The following USH2A variants were observed in gnomAD, a reference collection of about 807,000 sequenced individuals.
USH2A encodes the protein Usher syndrome 2A (autosomal recessive, mild).
Under a neutral mutation model 538.9 loss-of-function variants are expected in USH2A, and 443 were observed. The ratio of observed to expected loss-of-function variants is 0.82; its 90% CI spans 0.76 to 0.89. USH2A has a LOEUF of 0.89. Ranked by LOEUF, USH2A falls within the 40% of genes least tolerant of loss-of-function variation. The pLI is 0.00. For synonymous variants in USH2A, 2,413 were observed against 2,273.5 expected (o/e 1.06, Z -1.75); for missense variants, 6,633 against 6,324.8 (o/e 1.05, Z -1.65).
chr1:216,357,899 TA>T (rs991187813), intron 4 of USH2A, among the ~76,000 whole-genome samples: 1 of 152,136 alleles, frequency 6.6e-6, no homozygotes, highest in African/African-American at 2.4e-5. Flanking sequence ...TTGGAAGCAC[TA>T]AAATAAATCT....
chr1:216,401,961 T>C (rs1000224526), intron 3 of USH2A, among the ~76,000 whole-genome samples: 4 of 152,124 alleles, frequency 2.6e-5, no homozygotes, highest in African/African-American at 4.8e-5. Flanking sequence ...TTAGTTCTAT[T>C]TATAAGAGAA....
intron 37 of USH2A, among the ~76,000 whole-genome samples, chr1:215,936,518 T>C (rs1345626822): frequency 6.6e-6 from 1 of 152,070 alleles, no homozygotes; most frequent in Non-Finnish European, 1.5e-5. Context: ...AATACAGTAT[T>C]TACATTGCAG....
intron 11 of USH2A, among the ~76,000 whole-genome samples, chr1:216,268,642 A>C (rs1558354154): frequency 6.6e-6 from 1 of 152,134 alleles, no homozygotes; most frequent in Non-Finnish European, 1.5e-5. Context: ...AGGATCCCGT[A>C]GGCTTGGGAC....
Position 216,145,716 on chromosome 1 carries a change from C to T in USH2A, c.4627+29536G>A, listed in dbSNP as rs140842319. 3.9e-3 allele frequency among the ~76,000 whole-genome samples: 591 copies of T among 152,272 alleles called. 4 individuals carry two copies. Among genetic ancestry groups the T allele is most frequent in the African/African-American group, 0.014 (571 of 41,552 alleles). On this transcript the variant is annotated intron_variant, in intron 21 of 71. Transcript: ENST00000307340. ...AAAGAAGTGAATATGTCCTGCCCCACCTTAACTGATGACATTCCACCACAA... is the reference window on the plus strand; with the variant it reads ...AAAGAAGTGAATATGTCCTGCCCCATCTTAACTGATGACATTCCACCACAA...
intron 27 of USH2A, 83 bp downstream of exon 27, chr1:216,078,006 G>T: frequency 1.3e-6 from 2 of 1,550,296 alleles, no homozygotes; most frequent in Non-Finnish European, 1.8e-6. Context: ...TGAGTCTATT[G>T]CTATCTCTTG....
chr1:216,339,817 T>C (rs963044490), intron 4 of USH2A, among the ~76,000 whole-genome samples: 4 of 150,578 alleles, frequency 2.7e-5, no homozygotes, highest in African/African-American at 2.5e-5. Context: ...CCAGAATCTC[T>C]GGAACACAGC....
intron 14 of USH2A, among the ~76,000 whole-genome samples, chr1:216,219,848 C>T (rs2035420682): frequency 6.6e-6 from 1 of 152,040 alleles, no homozygotes; most frequent in South Asian, 2.1e-4. Flanking sequence ...TGTTTATTGA[C>T]CAGTTCATTA....
chr1:216,039,578 AC>A (rs2030170051), intron 32 of USH2A, among the ~76,000 whole-genome samples: 1 of 152,008 alleles, frequency 6.6e-6, no homozygotes, highest in African/African-American at 2.4e-5. Flanking sequence ...ATTTCAATGT[AC>A]TGCAATGTGA....
intron 60 of USH2A, among the ~76,000 whole-genome samples, chr1:215,737,677 C>A (rs1467072127): frequency 6.6e-6 from 1 of 151,942 alleles, no homozygotes; most frequent in African/African-American, 2.4e-5. Context: ...GTCTGTCTGT[C>A]TTCTGTCTGT....
chr1:215,786,635 A>G (rs368388737), intron 52 of USH2A, 35 bp downstream of exon 52: 1 of 1,612,210 alleles, frequency 6.2e-7, no homozygotes, highest in Non-Finnish European at 8.5e-7. Flanking sequence ...CACTAACCCC[A>G]TTAAGCCATG....
At chr1:215,900,987 G>T in intron 38 of USH2A, 82 bp from the exon 39 acceptor site, 1 of 1,555,994 alleles carries the variant, frequency 6.4e-7, no homozygotes. Context: ...TCCATATACT[G>T]GAAAAACTGT....
At chr1:215,667,199 G>A (rs1657632934) in intron 64 of USH2A, among the ~76,000 whole-genome samples, 1 of 152,152 alleles carries the variant, frequency 6.6e-6, no homozygotes, top group Admixed American at 6.6e-5. Flanking sequence ...CAGTGGGGAT[G>A]CTACCTTTAG....
At chr1:215,636,449 A>G (rs1049261249) in intron 69 of USH2A, among the ~76,000 whole-genome samples, 1 of 152,200 alleles carries the variant, frequency 6.6e-6, no homozygotes, top group African/African-American at 2.4e-5. Flanking sequence ...CAACACTCCA[A>G]TCAAGCTCCA....
chr1:216,121,017 T>C (rs1179472729), intron 21 of USH2A, among the ~76,000 whole-genome samples: 2 of 152,202 alleles, frequency 1.3e-5, no homozygotes, highest in Non-Finnish European at 2.9e-5. Flanking sequence ...ATGAGTTTTA[T>C]GGTAGTATTT....
chr1:215,937,367 C>T (rs914869367), intron 37 of USH2A, among the ~76,000 whole-genome samples: 3 of 151,996 alleles, frequency 2.0e-5, no homozygotes, highest in African/African-American at 7.2e-5. Flanking sequence ...CCAATTTATG[C>T]CATTTTAGCT....
intron 35 of USH2A, among the ~76,000 whole-genome samples, chr1:215,982,932 C>T (rs1667783159): frequency 6.6e-6 from 1 of 151,930 alleles, no homozygotes; most frequent in Non-Finnish European, 1.5e-5. Flanking sequence ...GAGAAACTGA[C>T]CTTGATTTTT....
At chr1:216,419,818 T>C (rs544288583) in intron 2 of USH2A, among the ~76,000 whole-genome samples, 108 of 152,194 alleles carry the variant, frequency 7.1e-4, no homozygotes, top group African/African-American at 2.6e-3. Flanking sequence ...AAAGGGCATG[T>C]TTTTCACACA....
In USH2A at chr1:216,222,162, C is replaced by CTAAG. The variant is rs368718447; in HGVS notation, c.2994-4613_2994-4612insCTTA. 3.4e-3 allele frequency among the ~76,000 whole-genome samples: 524 copies of CTAAG among 152,220 alleles called. 2 individuals are homozygous for CTAAG. Among genetic ancestry groups the CTAAG allele is most frequent in the African/African-American group, 0.012 (498 of 41,538 alleles). Reference sequence around the variant, plus strand: ...TATGATTCTATTATGCTTAGTGAGACTAATTTGTCCAAGGTGACAGTAAAT... The same window carrying CTAAG: ...TATGATTCTATTATGCTTAGTGAGACTAAGTAATTTGTCCAAGGTGACAGTAAAT... On this transcript the variant is annotated intron_variant, in intron 14 of 71. Transcript: ENST00000307340.
Position 216,324,326 on chromosome 1 carries a change from A to C in USH2A, c.1170T>G (p.Phe390Leu), listed in dbSNP as rs751653433. ...YQVFYIIIQF[F>L]SPQPTEIRIQ... is the part of the protein sequence containing the mutation. ...TCCTTATTTCCGTTGGTTGTGGACT[A>C]AAGAACTGAATGATAATATAAAACA... is the stretch of plus-strand genomic sequence containing the variant. The change falls in exon 7 of 72, where the codon TTT (phenylalanine) becomes TTG (leucine). Residue 390 changes from phenylalanine (F) to leucine (L), a missense_variant. Physicochemically the swap from Phe to Leu is conservative, Grantham distance 22. Coordinates refer to ENST00000307340, the MANE Select transcript of USH2A (RefSeq NM_206933.4). 2.5e-6 allele frequency: 4 copies of C among 1,612,266 alleles called. No individual in the cohort carries two copies. Among genetic ancestry groups the C allele is most frequent in the Non-Finnish European group, 3.4e-6 (4 of 1,179,108 alleles).
Sources: gnomAD v4.1 joint callset for allele counts (sites outside exome capture counted in the v4.1 genomes callset) on GRCh38, gnomAD v4.1.1 for gene constraint, MANE v1.5 for transcripts, NCBI Gene and HGNC (gene_info 2026-07-23, HGNC 2026-07-21) for gene names.